CDYL2: variants seen among roughly 807,000 people sequenced by gnomAD.
The protein encoded by CDYL2 is chromodomain Y like 2.
In CDYL2, 23 loss-of-function variants were observed where a neutral mutation model predicts 49.4. The observed-to-expected ratio is 0.47, with a 90% CI of 0.34 to 0.66. The LOEUF (loss-of-function observed/expected upper bound fraction) is 0.66, where lower values mean the gene tolerates loss of function less well. Ranked by LOEUF, CDYL2 falls within the 30% of genes least tolerant of loss-of-function variation. The pLI is 0.01. For synonymous variants in CDYL2, 360 were observed against 268.8 expected (o/e 1.34, Z -3.32); for missense variants, 678 against 656.4 (o/e 1.03, Z -0.36).
intron 1 of CDYL2, among the ~76,000 whole-genome samples, chr16:80,756,245 A>T (rs529357845): frequency 1.3e-5 from 2 of 152,222 alleles, no homozygotes; most frequent in South Asian, 2.1e-4. Context: ...TTCATTAAAA[A>T]CCAAATAGTG....
At chr16:80,663,211 T>A (rs941999134) in intron 2 of CDYL2, among the ~76,000 whole-genome samples, 1 of 151,442 alleles carries the variant, frequency 6.6e-6, no homozygotes, top group Admixed American at 6.6e-5. Flanking sequence ...CAGATACAAT[T>A]AACAGAGAGA....
At chr16:80,794,628 T>TTG (rs1907714001) in intron 1 of CDYL2, among the ~76,000 whole-genome samples, 4 of 134,720 alleles carry the variant, frequency 3.0e-5, no homozygotes, top group South Asian at 2.4e-4. Context: ...TTTTTTTTTT[T>TTG]GGGACAGAGT....
At chr16:80,630,741 T>C (rs1209989095) in intron 3 of CDYL2, among the ~76,000 whole-genome samples, 1 of 152,108 alleles carries the variant, frequency 6.6e-6, no homozygotes, top group African/African-American at 2.4e-5. Context: ...AGTGCTTCCC[T>C]CACCATTTGT....
chr16:80,721,467 A>G (rs968188398), intron 1 of CDYL2, among the ~76,000 whole-genome samples: 4 of 152,204 alleles, frequency 2.6e-5, no homozygotes, highest in Non-Finnish European at 4.4e-5. Flanking sequence ...AAGTCCTTCC[A>G]TCAGTGACTA....
intron 2 of CDYL2, among the ~76,000 whole-genome samples, chr16:80,674,185 T>C (rs1465759820): frequency 1.3e-5 from 2 of 152,320 alleles, no homozygotes; most frequent in South Asian, 2.1e-4. Flanking sequence ...CATGGGAGCC[T>C]GGGTTCACGA....
rs748311359 is a variant in CDYL2 at position 80,608,069 on chromosome 16, AC to A, written c.1362+22del. The A allele has an allele frequency of 7.8e-6, 12 of 1,547,970 alleles. No individual in the cohort carries two copies. The Admixed American group carries it at 2.3e-4, about 30-fold the overall frequency. On this transcript the variant is annotated intron_variant, in intron 6 of 6. Transcript: ENST00000570137. ...AAATGGGTCTATCAAAAGGACAAGCACGCAGGAGGCGCAGGAACTCACCACG... is the reference window on the plus strand; with the variant it reads ...AAATGGGTCTATCAAAAGGACAAGCAGCAGGAGGCGCAGGAACTCACCACG...
intron 1 of CDYL2, among the ~76,000 whole-genome samples, chr16:80,780,431 G>C (rs536623598): frequency 8.0e-6 from 1 of 124,976 alleles, no homozygotes; most frequent in Non-Finnish European, 1.6e-5. Flanking sequence ...TGCAGACAGA[G>C]TCTTGCTCTG....
At chr16:80,689,987 G>C (rs1256571746) in intron 1 of CDYL2, among the ~76,000 whole-genome samples, 1 of 151,958 alleles carries the variant, frequency 6.6e-6, no homozygotes, top group Non-Finnish European at 1.5e-5. Context: ...TGGGCGTGGT[G>C]GCATATGTCT....
rs375277441 is a variant in CDYL2 at position 80,772,576 on chromosome 16, C to T, written c.24+31574G>A. Among the ~76,000 whole-genome samples the T allele has an allele frequency of 4.3e-4, 66 of 152,294 alleles. No homozygotes were observed. The Middle Eastern group carries it at 0.01, about 24-fold the overall frequency. On this transcript the variant is annotated intron_variant, in intron 1 of 6. Transcript: ENST00000570137. ...CAAGTAATTCTCCTGCCTCAGCCTC[C>T]CAAGTAGCTGGGACTACAGGCACGT...
intron 1 of CDYL2, among the ~76,000 whole-genome samples, chr16:80,712,189 G>GTACATATATATATATA (rs527296483): frequency 9.2e-4 from 70 of 75,850 alleles, no homozygotes; most frequent in African/African-American, 2.3e-3. Context: ...GTGTCTGTGT[G>GTACATATATATATATA]TGTATATATA....
At position 80,612,387 on chromosome 16, in the gene CDYL2, T is replaced by A. The variant is rs1378842145; in HGVS notation, c.1218+239A>T. ...AATCCTAAGACACGCCTTCAGGGGG[T>A]TGGAGTGAGGAATAATTGAGACGCC... On this transcript the variant is annotated intron_variant, in intron 5 of 6. Coordinates refer to ENST00000570137, the MANE Select transcript of CDYL2 (RefSeq NM_152342.4). This position sits in a 1 kb window ranked among gnomAD's most constrained non-coding sequence, Gnocchi z 5.0. Among the ~76,000 whole-genome samples, 1 of 151,482 alleles carries A rather than the reference T, an allele frequency of 6.6e-6. No homozygotes were observed. The highest frequency in any genetic ancestry group is 2.4e-5 in the African/African-American group (1 of 41,202).
At chr16:80,669,287 G>T (rs1232205706) in intron 2 of CDYL2, among the ~76,000 whole-genome samples, 3 of 152,104 alleles carry the variant, frequency 2.0e-5, no homozygotes, top group Non-Finnish European at 4.4e-5. Flanking sequence ...CCAAGAAGGG[G>T]AAGCAGATAC....
At chr16:80,616,170 CCTAA>C (rs1329434698) in intron 4 of CDYL2, among the ~76,000 whole-genome samples, 2 of 152,184 alleles carry the variant, frequency 1.3e-5, no homozygotes, top group African/African-American at 2.4e-5. Flanking sequence ...CAGTTCTGCC[CCTAA>C]CTAATGGTGA....
At chr16:80,687,422 A>G (rs1910241403) in intron 1 of CDYL2, among the ~76,000 whole-genome samples, 1 of 151,938 alleles carries the variant, frequency 6.6e-6, no homozygotes, top group Non-Finnish European at 1.5e-5. Context: ...GAATGGATGA[A>G]TGGATAGATG....
intron 2 of CDYL2, among the ~76,000 whole-genome samples, chr16:80,675,603 T>G (rs528880699): frequency 6.6e-6 from 1 of 151,638 alleles, no homozygotes; most frequent in African/African-American, 2.4e-5. Context: ...ATGGGGAGAG[T>G]GGCTTTTCAC....
chr16:80,693,093 T>C (rs1438734425), intron 1 of CDYL2, among the ~76,000 whole-genome samples: 1 of 129,526 alleles, frequency 7.7e-6, no homozygotes, highest in Non-Finnish European at 1.5e-5. Flanking sequence ...TCATCTATAG[T>C]GATCGAAGCC....
chr16:80,786,870 T>A (rs1486463953), intron 1 of CDYL2, among the ~76,000 whole-genome samples: 2 of 148,130 alleles, frequency 1.4e-5, no homozygotes, highest in East Asian at 2.0e-4. Context: ...AGTTGAACAA[T>A]AAGAACACAT....
chr16:80,725,063 C>T (rs1334515336), intron 1 of CDYL2, among the ~76,000 whole-genome samples: 2 of 152,176 alleles, frequency 1.3e-5, no homozygotes, highest in East Asian at 1.9e-4. Context: ...AACTGAGTCA[C>T]CTTCTATCGG....
chr16:80,784,798 A>G (rs1326342599), intron 1 of CDYL2, among the ~76,000 whole-genome samples: 1 of 152,152 alleles, frequency 6.6e-6, no homozygotes, highest in Non-Finnish European at 1.5e-5. Context: ...TCAGTGCTGG[A>G]GAGAAGCTGG....
Sources: gnomAD v4.1 joint callset for allele counts (sites outside exome capture counted in the v4.1 genomes callset) on GRCh38, gnomAD v4.1.1 for gene constraint, Gnocchi (gnomAD v3.1) non-coding constraint, MANE v1.5 for transcripts, NCBI Gene and HGNC (gene_info 2026-07-23, HGNC 2026-07-21) for gene names.